Variants in POP1 observed in about 807,000 individuals in gnomAD.
The protein encoded by POP1 is ribonucleases P/MRP protein subunit POP1.
A neutral mutation model predicts 102.2 loss-of-function variants in POP1; 75 were observed. The observed-to-expected ratio is 0.73, with a 90% confidence interval of 0.61 to 0.89. The LOEUF is 0.89. POP1 is among the 40% of genes least tolerant of loss of function. The probability of loss-of-function intolerance (pLI) is 0.00; values close to 1 mark genes in which losing one functional copy is unlikely to be tolerated. For synonymous variants in POP1, 436 were observed against 464.1 expected, an observed-to-expected ratio of 0.94 and a Z score of 0.78; for missense variants, 1,116 against 1,267.4, an observed-to-expected ratio of 0.88 and a Z score of 1.81.
intron 14 of POP1, among the ~76,000 whole-genome samples, chr8:98,154,908 CA>C (rs1809608612): frequency 1.3e-5 from 2 of 151,428 alleles, no homozygotes; most frequent in South Asian, 4.2e-4. Context: ...TGAAGTTAAG[CA>C]AAAAGTACTG....
intron 14 of POP1, among the ~76,000 whole-genome samples, chr8:98,153,404 G>A (rs556164306): frequency 4.1e-4 from 62 of 152,242 alleles, no homozygotes; most frequent in African/African-American, 1.5e-3. Context: ...CACACGTGGA[G>A]GAGGCAGCAT....
chr8:98,118,680 C>T (rs1386464985), intron 1 of POP1, among the ~76,000 whole-genome samples: 1 of 152,172 alleles, frequency 6.6e-6, no homozygotes. Context: ...CCCACCTCAG[C>T]CTCCCAAAGT....
At chr8:98,146,723 G>T in intron 12 of POP1, 40 bp downstream of exon 12, 1 of 1,380,738 alleles carries the variant, frequency 7.2e-7, no homozygotes, top group South Asian at 1.2e-5. Flanking sequence ...AGTCATGAAT[G>T]ACAGGTTAAA....
At position 98,148,356 on chromosome 8, in the gene POP1, C is replaced by T. The variant is rs1359411836; in HGVS notation, c.1711-459C>T. Among the ~76,000 whole-genome samples the T allele has an allele frequency of 3.3e-5, 5 of 152,294 alleles. No individual in the cohort carries two copies. In the East Asian group the frequency reaches 9.6e-4, roughly 29 times the overall value. ...GATGTTATCCACCCCCTACATTCCC[C>T]TTAACAATAATTTTAAACATCTTCT... On this transcript the variant is annotated intron_variant, in intron 12 of 15. Coordinates refer to ENST00000401707, the MANE Select transcript of POP1 (RefSeq NM_001145860.2).
intron 11 of POP1, 66 bp downstream of exon 11, chr8:98,140,954 G>T: frequency 1.3e-6 from 2 of 1,579,244 alleles, no homozygotes; most frequent in Admixed American, 3.3e-5. Flanking sequence ...ATTAGAAGAA[G>T]AGTTCTTTCT....
rs889080204 is a variant in POP1, at chr8:98,159,516, C to T, written c.*1245C>T. ...GCTCATAGCCTTGGTCCTTACCTTT[C>T]CTGCCATAACTTTCTAGAAGAGCTT... On this transcript the variant is annotated 3_prime_UTR_variant, in exon 16 of 16. Transcript: ENST00000401707. The T allele has an allele frequency of 6.6e-6, 1 of 152,156 alleles. No individual in the cohort carries two copies. The highest frequency in any genetic ancestry group is 1.5e-5 in the Non-Finnish European group (1 of 68,042). 9.4% of individuals were successfully genotyped at this position (152,156 alleles called of 1,614,324 possible).
chr8:98,134,352 C>A, intron 6 of POP1, 120 bp from the exon 7 acceptor site: 2 of 1,015,808 alleles, frequency 2.0e-6, no homozygotes, highest in Non-Finnish European at 3.1e-6. Context: ...TCTGAGCAAT[C>A]CTCACAACCA....
At chr8:98,127,124 G>T (rs974602250) in intron 2 of POP1, among the ~76,000 whole-genome samples, 1 of 152,130 alleles carries the variant, frequency 6.6e-6, no homozygotes, top group African/African-American at 2.4e-5. Flanking sequence ...GAGGGTCTCT[G>T]TGAGCACTCC....
intron 10 of POP1, 30 bp downstream of exon 10, chr8:98,140,219 G>A (rs776050206): frequency 6.3e-7 from 1 of 1,591,268 alleles, no homozygotes; most frequent in Non-Finnish European, 8.6e-7. Flanking sequence ...GGTTGTGTTG[G>A]GGAGGGAAGG....
intron 11 of POP1, among the ~76,000 whole-genome samples, chr8:98,145,243 T>C (rs965308684): frequency 6.6e-6 from 1 of 152,196 alleles, no homozygotes; most frequent in Non-Finnish European, 1.5e-5. Flanking sequence ...CTTAATTTTT[T>C]CTAACTTCGT....
chr8:98,137,412 C>T (rs925431784), intron 9 of POP1, among the ~76,000 whole-genome samples: 3 of 152,078 alleles, frequency 2.0e-5, no homozygotes, highest in South Asian at 2.1e-4. Context: ...AAGCGATTCT[C>T]CTGCCTCAGC....
chr8:98,153,020 AGT>A (rs549929768), intron 14 of POP1, among the ~76,000 whole-genome samples: 2 of 152,116 alleles, frequency 1.3e-5, no homozygotes, highest in South Asian at 4.1e-4. Context: ...CCCAGGCTGG[AGT>A]GCAGTGGTGC....
rs1197162790 is a variant in POP1, at chr8:98,158,386, A to G, written c.*115A>G. ...TATCATGTGAAACTCCCTGGAAACAAGAATAAAAAATTATGTATTATGCAG... is the reference window on the plus strand; with the variant it reads ...TATCATGTGAAACTCCCTGGAAACAGGAATAAAAAATTATGTATTATGCAG... On this transcript the variant is annotated 3_prime_UTR_variant, in exon 16 of 16. Coordinates refer to ENST00000401707, the MANE Select transcript of POP1 (RefSeq NM_001145860.2). 17 of 1,181,230 alleles carry G rather than the reference A, an allele frequency of 1.4e-5. No individual in the cohort carries two copies. Among genetic ancestry groups the G allele is most frequent in the Non-Finnish European group, 8.7e-6 (7 of 807,292 alleles). 73.2% of individuals were successfully genotyped at this position (1,181,230 alleles called of 1,614,324 possible).
In POP1 at chr8:98,156,376, A is replaced by T. The variant is rs1008735109; in HGVS notation, c.2384A>T (p.His795Leu). The change falls in exon 15 of 16, where the codon CAT becomes CTT. Residue 795 changes from histidine (H) to leucine (L), a missense_variant. Coordinates refer to ENST00000401707, the MANE Select transcript of POP1 (RefSeq NM_001145860.2). ...ACAGACCAGGAGGCCAGTGAAAACC[A>T]TGTTGCTGCCACAGGGAGTCACCTC... is the stretch of plus-strand genomic sequence containing the variant. ...RITDQEASEN[H>L]VAATGSHLCV... The T allele has an allele frequency of 6.2e-7, 1 of 1,613,898 alleles. No homozygotes were observed. The highest frequency in any genetic ancestry group is 8.5e-7 in the Non-Finnish European group (1 of 1,179,994).
intron 15 of POP1, among the ~76,000 whole-genome samples, chr8:98,156,764 G>C (rs1273974467): frequency 6.6e-6 from 1 of 152,136 alleles, no homozygotes; most frequent in Non-Finnish European, 1.5e-5. Context: ...ATATGGATTT[G>C]TGTTAGAGCA....
At position 98,146,722 on chromosome 8, in the gene POP1, T is replaced by A. The variant is rs760490855; in HGVS notation, c.1710+39T>A. ...TAAGGGTTATTGGTAAAGTCATGAA[T>A]GACAGGTTAAATATATCATTCTAGA... On this transcript the variant is annotated intron_variant, in intron 12 of 15. Transcript: ENST00000401707. The A allele has an allele frequency of 1.2e-5, 16 of 1,386,340 alleles. No homozygotes were observed. In the South Asian group the frequency reaches 1.7e-4, roughly 15 times the overall value. The allele number at this position is 1,386,340 out of a possible 1,614,324, so 85.9% of individuals were successfully genotyped here.
intron 9 of POP1, among the ~76,000 whole-genome samples, chr8:98,138,794 C>G (rs767890730): frequency 6.6e-6 from 1 of 151,132 alleles, no homozygotes; most frequent in East Asian, 1.9e-4. Flanking sequence ...CTGTAAACCA[C>G]TAAGCTGTGC....
intron 4 of POP1, 116 bp from the exon 5 acceptor site, chr8:98,129,862 A>G: frequency 8.3e-7 from 1 of 1,205,050 alleles, no homozygotes; most frequent in South Asian, 1.3e-5. Context: ...TAAGCAAACT[A>G]ATGGGATCTA....
intron 15 of POP1, 55 bp downstream of exon 15, chr8:98,156,467 A>T (rs1809650852): frequency 4.4e-6 from 7 of 1,606,050 alleles, no homozygotes; most frequent in Middle Eastern, 2.1e-4. Context: ...AATATTGAAG[A>T]GGCTACAGGA....
Sources: gnomAD v4.1 joint callset for allele counts (sites outside exome capture counted in the v4.1 genomes callset) on GRCh38, gnomAD v4.1.1 for gene constraint, MANE v1.5 for transcripts, NCBI Gene and HGNC (gene_info 2026-07-23, HGNC 2026-07-21) for gene names.